Variants in ADAM7 observed in about 807,000 individuals in gnomAD.
ADAM7 encodes ADAM metallopeptidase domain 7.
In ADAM7, 97 loss-of-function variants were observed where a neutral mutation model predicts 102.9. That is an observed-to-expected ratio of 0.94 (90% CI 0.80 to 1.12). The LOEUF is 1.12. Among genes scored for constraint, ADAM7 ranks in the 50% most tolerant of loss-of-function variants. The pLI is 0.00. For synonymous variants in ADAM7, 334 were observed against 304.4 expected, an observed-to-expected ratio of 1.10 and a Z score of -1.01; for missense variants, 991 against 908.7, an observed-to-expected ratio of 1.09 and a Z score of -1.16.
At chr8:24,453,961 A>T (rs1219372439) in intron 3 of ADAM7, among the ~76,000 whole-genome samples, 1 of 152,208 alleles carries the variant, frequency 6.6e-6, no homozygotes, top group African/African-American at 2.4e-5. Context: ...GCTGCAGAAC[A>T]GCGGACTTTT....
chr8:24,450,189 A>G (rs1818727768), intron 3 of ADAM7, among the ~76,000 whole-genome samples: 3 of 152,150 alleles, frequency 2.0e-5, no homozygotes, highest in African/African-American at 7.2e-5. Flanking sequence ...CTGTGAAGAA[A>G]GTCATTGGTA....
At chr8:24,484,149 CCA>C (rs1217513085) in intron 9 of ADAM7, among the ~76,000 whole-genome samples, 2 of 152,000 alleles carry the variant, frequency 1.3e-5, no homozygotes, top group Admixed American at 1.3e-4. Context: ...CTCAATACCC[CCA>C]GAGTTTAAAA....
chr8:24,508,497 A>T (rs1422935544), intron 21 of ADAM7, 49 bp from the exon 22 acceptor site: 1 of 1,580,052 alleles, frequency 6.3e-7, no homozygotes, highest in Non-Finnish European at 8.7e-7. Flanking sequence ...TACATGGTTC[A>T]CAGATTTCAT....
At chr8:24,505,378 T>C (rs1364482165) in intron 20 of ADAM7, among the ~76,000 whole-genome samples, 3 of 152,204 alleles carry the variant, frequency 2.0e-5, no homozygotes, top group Admixed American at 6.5e-5. Flanking sequence ...ATCTGTTGAA[T>C]ATGTGAATAA....
rs531242593 is a variant in ADAM7 at position 24,498,552 on chromosome 8, T to C, written c.1843-684T>C. ...AAATAAAATGAAAGGACTAAGAGTA[T>C]ATATATATATATCACTTATTCCAAT... On this transcript the variant is annotated intron_variant, in intron 16 of 21. Transcript: ENST00000175238. Among the ~76,000 whole-genome samples the C allele has an allele frequency of 8.0e-4, 121 of 150,376 alleles. No homozygotes were observed. The South Asian group carries it at 0.023, about 29-fold the overall frequency.
chr8:24,492,124 T>G (rs1820380631), intron 14 of ADAM7, 26 bp downstream of exon 14: 1 of 1,596,956 alleles, frequency 6.3e-7, no homozygotes, highest in Admixed American at 1.7e-5. Context: ...AGTGAAGTAT[T>G]CACACAGATG....
Position 24,448,035 on chromosome 8 carries a change from A to G in ADAM7, c.233+773A>G, listed in dbSNP as rs557082340. ...ATCCGTCACCAGACAAATGTGCCGA[A>G]TAATAAACATAATCCCATAACCATA... On this transcript the variant is annotated intron_variant, in intron 3 of 21. Transcript: ENST00000175238. Among the ~76,000 whole-genome samples, 15 of 152,126 alleles carry G rather than the reference A, an allele frequency of 9.9e-5. No homozygotes were observed. The East Asian group carries it at 2.9e-3, about 29-fold the overall frequency.
chr8:24,447,797 G>A (rs1010257009), intron 3 of ADAM7, among the ~76,000 whole-genome samples: 1 of 151,792 alleles, frequency 6.6e-6, no homozygotes, highest in Non-Finnish European at 1.5e-5. Flanking sequence ...TTTTCCACTG[G>A]GCCATTTCTA....
In ADAM7 at chr8:24,499,238, G is replaced by C. The variant is rs150774634; in HGVS notation, c.1845G>C (p.Val615=). 1.5e-3 allele frequency: 2,425 copies of C among 1,587,384 alleles called. 6 individuals carry two copies. The highest frequency in any genetic ancestry group is 1.7e-3 in the Non-Finnish European group (1,992 of 1,168,630). Residue 615 remains valine (V), a splice_region_variant and synonymous_variant, in exon 17 of 22, where the codon GTG becomes GTC. Transcript: ENST00000175238. ...ATGCTTGGTTACTTCATTTCTAGGT[G>C]TGCAACAATGGTGAATGTCTAAACA... The part of the protein sequence containing the change: ...ASGTKCGEGM[V]CNNGECLNME...
At position 24,508,638 on chromosome 8, in the gene ADAM7, T is replaced by C; in HGVS notation, c.*92T>C. On this transcript the variant is annotated 3_prime_UTR_variant, in exon 22 of 22. Coordinates refer to ENST00000175238, the MANE Select transcript of ADAM7 (RefSeq NM_003817.4). Reference sequence around the variant, plus strand: ...ACAACCTTACCTAGATATCTGCTACTCACATTTTTGGTAGTGTTTCAAACG... The same window carrying C: ...ACAACCTTACCTAGATATCTGCTACCCACATTTTTGGTAGTGTTTCAAACG... 1 of 1,596,690 alleles carries C rather than the reference T, an allele frequency of 6.3e-7. No individual in the cohort carries two copies. Among genetic ancestry groups the C allele is most frequent in the Non-Finnish European group, 8.6e-7 (1 of 1,169,580 alleles).
rs1821034765 is a variant in ADAM7 at position 24,508,904 on chromosome 8, G to A, written c.*358G>A. 1 of 1,098,902 alleles carries A rather than the reference G, an allele frequency of 9.1e-7. No individual in the cohort carries two copies. The highest frequency in any genetic ancestry group is 1.1e-6 in the Non-Finnish European group (1 of 904,392). 68.1% of individuals were successfully genotyped at this position (1,098,902 alleles called of 1,614,324 possible). A position where few individuals can be genotyped will look rare whatever the true frequency, so the allele number is the denominator to read the frequency against. On this transcript the variant is annotated 3_prime_UTR_variant, in exon 22 of 22. Transcript: ENST00000175238. ...AGGATGATAACTTACAGTCTAAGAA[G>A]AAAACATTGCATATAAAAAGTTACT...
At position 24,509,555 on chromosome 8, in the gene ADAM7, G is replaced by A. The variant is rs985834795; in HGVS notation, c.*1009G>A. On this transcript the variant is annotated 3_prime_UTR_variant, in exon 22 of 22. Coordinates refer to ENST00000175238, the MANE Select transcript of ADAM7 (RefSeq NM_003817.4). Reference sequence around the variant, plus strand: ...GATGAAATAAATAAAGGCTACAAAAGAAGGAAGAAAGGCTGTTGTCCTTGT... The same window carrying A: ...GATGAAATAAATAAAGGCTACAAAAAAAGGAAGAAAGGCTGTTGTCCTTGT... The A allele has an allele frequency of 1.3e-5, 13 of 984,608 alleles. No individual in the cohort carries two copies. The highest frequency in any genetic ancestry group is 1.6e-5 in the Non-Finnish European group (13 of 829,222). The allele number at this position is 984,608 out of a possible 1,614,324, so 61.0% of individuals were successfully genotyped here.
rs185121881 is a variant in ADAM7, at chr8:24,465,736, A to G, written c.350A>G (p.Tyr117Cys). ...CFYQGSIVHE[Y>C]DSAASISTCN... ...TACCAAGGATCCATAGTACACGAAT[A>G]TGATTCAGCTGCCAGTATCAGTACG... The change falls in exon 5 of 22, where the codon TAT (tyrosine) becomes TGT (cysteine). Residue 117 changes from tyrosine (Y) to cysteine (C), a missense_variant. Physicochemically the swap from Tyr to Cys is radical, Grantham distance 194. Coordinates refer to ENST00000175238, the MANE Select transcript of ADAM7 (RefSeq NM_003817.4). 1.2e-6 allele frequency: 2 copies of G among 1,611,166 alleles called. No individual in the cohort carries two copies. The highest frequency in any genetic ancestry group is 1.7e-5 in the Admixed American group (1 of 59,826).
rs1478945424 is a variant in ADAM7, at chr8:24,508,643, T to A, written c.*97T>A. On this transcript the variant is annotated 3_prime_UTR_variant, in exon 22 of 22. Coordinates refer to ENST00000175238, the MANE Select transcript of ADAM7 (RefSeq NM_003817.4). The stretch of plus-strand genomic sequence containing the variant: ...CTTACCTAGATATCTGCTACTCACA[T>A]TTTTGGTAGTGTTTCAAACGTTCTT... The A allele has an allele frequency of 1.3e-6, 2 of 1,590,014 alleles. No homozygotes were observed. The highest frequency in any genetic ancestry group is 1.7e-6 in the Non-Finnish European group (2 of 1,165,772).
At chr8:24,507,598 G>T in intron 21 of ADAM7, 63 bp downstream of exon 21, 2 of 1,357,508 alleles carry the variant, frequency 1.5e-6, no homozygotes, top group Non-Finnish European at 2.1e-6. Context: ...ATAGTTTTGT[G>T]TTCTTTACCA....
chr8:24,482,011 C>T (rs1211551775), intron 8 of ADAM7, 131 bp from the exon 9 acceptor site: 1 of 630,888 alleles, frequency 1.6e-6, no homozygotes, highest in East Asian at 3.0e-5. Flanking sequence ...CAACATGAGG[C>T]TTGCACTGTT....
At chr8:24,488,063 C>A (rs75399778) in intron 11 of ADAM7, among the ~76,000 whole-genome samples, 1 of 152,270 alleles carries the variant, frequency 6.6e-6, no homozygotes, top group South Asian at 2.1e-4. Context: ...AACTCCCACT[C>A]CATTTGTTTT....
At chr8:24,500,315 T>A in intron 18 of ADAM7, 59 bp downstream of exon 18, 1 of 1,492,592 alleles carries the variant, frequency 6.7e-7, no homozygotes, top group Non-Finnish European at 9.2e-7. Flanking sequence ...GAAAAAAGTT[T>A]TTCTTATTTT....
chr8:24,477,430 C>T (rs1205018149), intron 8 of ADAM7, among the ~76,000 whole-genome samples: 3 of 152,054 alleles, frequency 2.0e-5, no homozygotes, highest in Admixed American at 6.6e-5. Context: ...TTATTTATAT[C>T]AGTATGGACT....
Sources: allele counts gnomAD v4.1 joint callset (sites outside exome capture counted in the v4.1 genomes callset), GRCh38; gene constraint gnomAD v4.1.1; transcripts MANE v1.5; gene names NCBI Gene and HGNC (gene_info 2026-07-23, HGNC 2026-07-21).